Variants in VTI1A observed in about 807,000 individuals in gnomAD.
VTI1A encodes vesicle transport through interaction with t-SNAREs 1A.
VTI1A carries 22 observed loss-of-function variants against 34.9 expected under a neutral mutation model. The observed-to-expected ratio is 0.63, with a 90% CI of 0.45 to 0.90. The LOEUF is 0.90. Among genes scored for constraint, VTI1A ranks in the 40% least tolerant of loss-of-function variants. The pLI, the probability that VTI1A is intolerant of heterozygous loss-of-function variation, is 0.00. For synonymous variants in VTI1A, 87 were observed against 97.3 expected (o/e 0.89, Z 0.62); for missense variants, 268 against 275.6 (o/e 0.97, Z 0.20).
intron 7 of VTI1A, among the ~76,000 whole-genome samples, chr10:112,755,408 T>C (rs1449380585): frequency 2.0e-5 from 3 of 152,182 alleles, no homozygotes; most frequent in Non-Finnish European, 4.4e-5. Context: ...GGCCACACTA[T>C]CCACCTTCAG....
intron 1 of VTI1A, among the ~76,000 whole-genome samples, chr10:112,452,161 G>T (rs549466948): frequency 2.0e-5 from 3 of 152,260 alleles, no homozygotes; most frequent in Admixed American, 6.5e-5. Flanking sequence ...TAGGATTCAG[G>T]CTACCTCAAA....
At position 112,700,072 on chromosome 10, in the gene VTI1A, C is replaced by G. The variant is rs190077271; in HGVS notation, c.560+31074C>G. Among the ~76,000 whole-genome samples, 759 of 140,518 alleles carry G rather than the reference C, an allele frequency of 5.4e-3. 14 individuals carry two copies. Among genetic ancestry groups the G allele is most frequent in the African/African-American group, 0.019 (722 of 37,892 alleles). The allele number at this position is 140,518 out of a possible 152,430, so 92.2% of individuals were successfully genotyped here. On this transcript the variant is annotated intron_variant, in intron 7 of 7. Transcript: ENST00000393077. ...GGCAGAGGTTGCAGTGAGCCAAGAT[C>G]GTGCTACTGCACTCCAGCCTGGGTA...
At chr10:112,563,101 C>T (rs1380443114) in intron 5 of VTI1A, among the ~76,000 whole-genome samples, 5 of 152,150 alleles carry the variant, frequency 3.3e-5, no homozygotes, top group Middle Eastern at 3.2e-3. Flanking sequence ...TGTGCTAATT[C>T]CATTGTCACG....
At chr10:112,736,800 T>A in intron 7 of VTI1A, 1 of 1,416,450 alleles carries the variant, frequency 7.1e-7, no homozygotes, top group East Asian at 2.5e-5. Context: ...TGGAAATTAC[T>A]CAAACACGTA....
At chr10:112,830,536 G>A in the VTI1A span, among the ~76,000 whole-genome samples, 6 of 150,878 alleles carry the variant, frequency 4.0e-5, no homozygotes, top group East Asian at 7.9e-4. Context: ...CTCATCCTAC[G>A]TTTTTCCTTA....
chr10:112,516,506 G>A (rs1014194966), intron 3 of VTI1A, among the ~76,000 whole-genome samples: 2 of 151,884 alleles, frequency 1.3e-5, no homozygotes, highest in Non-Finnish European at 2.9e-5. Flanking sequence ...TGTTAGAAAA[G>A]GTATCTCCTT....
intron 7 of VTI1A, among the ~76,000 whole-genome samples, chr10:112,688,617 G>A (rs1369618239): frequency 6.6e-6 from 1 of 150,724 alleles, no homozygotes; most frequent in Non-Finnish European, 1.5e-5. Context: ...CGCCTCCTAG[G>A]TTCAAGCCGT....
chr10:112,608,528 CAT>C (rs1279862351), intron 5 of VTI1A, among the ~76,000 whole-genome samples: 1 of 152,070 alleles, frequency 6.6e-6, no homozygotes, highest in Non-Finnish European at 1.5e-5. Context: ...CACATGTAGA[CAT>C]GTGGGCAAAT....
intron 7 of VTI1A, among the ~76,000 whole-genome samples, 153 bp from the exon 8 acceptor site, chr10:112,815,137 G>GCA (rs553734279): frequency 0.031 from 2,405 of 77,366 alleles, 26 homozygotes; most frequent in African/African-American, 0.051. Flanking sequence ...TCTTTCGCGC[G>GCA]CGCACACACA....
intron 5 of VTI1A, among the ~76,000 whole-genome samples, chr10:112,660,860 C>T (rs1213576390): frequency 6.6e-6 from 1 of 152,112 alleles, no homozygotes; most frequent in East Asian, 1.9e-4. Context: ...TTCTGTTTAC[C>T]TCCTCTTCAT....
intron 3 of VTI1A, among the ~76,000 whole-genome samples, chr10:112,476,588 A>G (rs1460531862): frequency 6.6e-6 from 1 of 152,208 alleles, no homozygotes. Context: ...TATGGTAGTG[A>G]TGTCCACATG....
At chr10:112,484,853 A>G (rs1224023836) in intron 3 of VTI1A, 1 of 151,500 alleles carries the variant, frequency 6.6e-6, no homozygotes, top group East Asian at 1.9e-4. Flanking sequence ...TGCATCTAGT[A>G]TGAATTATTC....
chr10:112,777,095 C>T (rs556281457), intron 7 of VTI1A, among the ~76,000 whole-genome samples: 4 of 152,264 alleles, frequency 2.6e-5, no homozygotes, highest in South Asian at 2.1e-4. Flanking sequence ...AAGTTCACTA[C>T]GCTGACTTTT....
the VTI1A span, chr10:112,824,007 A>T: frequency 7.2e-5 from 11 of 152,380 alleles, no homozygotes; most frequent in East Asian, 2.1e-3. Flanking sequence ...CCAGGAGTAG[A>T]TTCCATGCCT....
intron 4 of VTI1A, 34 bp from the exon 5 acceptor site, chr10:112,538,212 G>A (rs748542308): frequency 1.5e-5 from 24 of 1,587,824 alleles, no homozygotes; most frequent in South Asian, 1.0e-4. Context: ...GTAGACGGCC[G>A]TCTGATTTTT....
chr10:112,645,866 C>T (rs1846759522), intron 5 of VTI1A, among the ~76,000 whole-genome samples: 2 of 150,666 alleles, frequency 1.3e-5, no homozygotes, highest in African/African-American at 4.9e-5. Context: ...TTTATTTATC[C>T]ATCTATCCAT....
At chr10:112,462,102 G>T (rs1564786581) in intron 2 of VTI1A, among the ~76,000 whole-genome samples, 1 of 152,208 alleles carries the variant, frequency 6.6e-6, no homozygotes, top group Non-Finnish European at 1.5e-5. Flanking sequence ...CACCCACCTT[G>T]GCCTCCCAAA....
At chr10:112,782,596 G>T (rs1459154220) in intron 7 of VTI1A, among the ~76,000 whole-genome samples, 1 of 152,218 alleles carries the variant, frequency 6.6e-6, no homozygotes, top group Non-Finnish European at 1.5e-5. Flanking sequence ...GAATTATAGT[G>T]GGGCTGTTCG....
chr10:112,594,348 A>G (rs993772744), intron 5 of VTI1A, among the ~76,000 whole-genome samples: 16 of 152,162 alleles, frequency 1.1e-4, no homozygotes, highest in African/African-American at 3.1e-4. Context: ...AGGGTATTCA[A>G]TTAGGAAAAG....
Sources: gnomAD v4.1 joint callset for allele counts (sites outside exome capture counted in the v4.1 genomes callset) on GRCh38, gnomAD v4.1.1 for gene constraint, MANE v1.5 for transcripts, NCBI Gene and HGNC (gene_info 2026-07-23, HGNC 2026-07-21) for gene names.